The following DOCK10 variants were observed in gnomAD, a reference collection of about 807,000 sequenced individuals.
The protein encoded by DOCK10 is dedicator of cytokinesis protein 10.
Under a neutral mutation model 280.1 loss-of-function variants are expected in DOCK10, and 145 were observed. The ratio of observed to expected loss-of-function variants is 0.52; its 90% CI spans 0.45 to 0.59. The LOEUF (loss-of-function observed/expected upper bound fraction) is 0.59, where lower values mean the gene tolerates loss of function less well. Among genes scored for constraint, DOCK10 ranks in the 20% least tolerant of loss-of-function variants. The probability of loss-of-function intolerance (pLI) is 0.00; values close to 1 mark genes in which losing one functional copy is unlikely to be tolerated. For synonymous variants in DOCK10, 915 were observed against 942.2 expected (o/e 0.97, Z 0.53); for missense variants, 2,368 against 2,651.7 (o/e 0.89, Z 2.35).
chr2:224,901,993 A>AT (rs1382124365), intron 3 of DOCK10, among the ~76,000 whole-genome samples: 1 of 152,206 alleles, frequency 6.6e-6, no homozygotes, highest in Non-Finnish European at 1.5e-5. Flanking sequence ...CATCTGTATC[A>AT]TTTTCTTCTG....
intron 11 of DOCK10, among the ~76,000 whole-genome samples, chr2:224,871,286 G>A (rs181636467): frequency 6.6e-6 from 1 of 151,784 alleles, no homozygotes; most frequent in African/African-American, 2.4e-5. Flanking sequence ...GTGTAAAACC[G>A]TCCAAAACAA....
At chr2:224,845,084 T>C in intron 21 of DOCK10, 119 bp downstream of exon 21, 1 of 1,103,036 alleles carries the variant, frequency 9.1e-7, no homozygotes, top group South Asian at 1.6e-5. Context: ...TAGGTACACT[T>C]GATTCATAGC....
intron 1 of DOCK10, among the ~76,000 whole-genome samples, chr2:225,018,551 T>C (rs1239796810): frequency 1.1e-4 from 1 of 9,490 alleles, no homozygotes; most frequent in Non-Finnish European, 3.4e-4. Flanking sequence ...TATATATATA[T>C]AATATATATG....
chr2:224,870,066 G>C (rs1698171143), intron 11 of DOCK10, among the ~76,000 whole-genome samples: 2 of 152,122 alleles, frequency 1.3e-5, no homozygotes, highest in African/African-American at 4.8e-5. Flanking sequence ...TCATAGGAGG[G>C]ACCCAGTGGG....
intron 11 of DOCK10, among the ~76,000 whole-genome samples, chr2:224,868,049 T>C (rs891353476): frequency 6.6e-6 from 1 of 152,172 alleles, no homozygotes; most frequent in African/African-American, 2.4e-5. Context: ...GAGGTTTTTT[T>C]TGTGTGTGGG....
chr2:224,828,920 A>G (rs1415213974), intron 27 of DOCK10, among the ~76,000 whole-genome samples: 1 of 151,824 alleles, frequency 6.6e-6, no homozygotes, highest in Non-Finnish European at 1.5e-5. Flanking sequence ...CATTCCAATG[A>G]ATAGTCATGG....
At chr2:225,027,411 T>A (rs890023847) in intron 1 of DOCK10, among the ~76,000 whole-genome samples, 1 of 152,192 alleles carries the variant, frequency 6.6e-6, no homozygotes, top group Non-Finnish European at 1.5e-5. Context: ...TATCACTTGA[T>A]CCTTGAGATG....
At chr2:225,020,156 G>T (rs1183503617) in intron 1 of DOCK10, among the ~76,000 whole-genome samples, 1 of 151,752 alleles carries the variant, frequency 6.6e-6, no homozygotes, top group Non-Finnish European at 1.5e-5. Context: ...ATTAGTAATG[G>T]TTCATAAGTG....
rs1017007279 is a variant in DOCK10 at position 224,885,782 on chromosome 2, C to G, written c.636G>C (p.Gln212His). ...AGGAGTTATCTGGTAACTGAGTCAG[C>G]TGGAAGTAGCGCTTTTTGAATGACT... is the stretch of plus-strand genomic sequence containing the variant. ...TVRSFKKRYF[Q>H]LTQLPDNSYI... Residue 212 changes from glutamine (Q) to histidine (H), a missense_variant, in exon 7 of 56, where the codon CAG becomes CAC. Around this residue, in one of 2 missense-constraint regions of DOCK10, gnomAD observed 1,209 missense variants for 1,250.9 expected, o/e 0.97. Coordinates refer to ENST00000258390, the MANE Select transcript of DOCK10 (RefSeq NM_014689.3). 2 of 1,613,148 alleles carry G rather than the reference C, an allele frequency of 1.2e-6. No individual in the cohort carries two copies. Among genetic ancestry groups the G allele is most frequent in the African/African-American group, 2.7e-5 (2 of 74,874 alleles).
intron 19 of DOCK10, among the ~76,000 whole-genome samples, chr2:224,849,247 T>A (rs1011525805): frequency 3.9e-5 from 6 of 152,238 alleles, no homozygotes; most frequent in African/African-American, 1.4e-4. Flanking sequence ...GTGCTGGGAT[T>A]ACAGGCGTGA....
At chr2:224,839,255 A>ATT (rs577799384) in intron 24 of DOCK10, among the ~76,000 whole-genome samples, 2,844 of 131,708 alleles carry the variant, frequency 0.022, 107 homozygotes, top group African/African-American at 0.076. Context: ...ATTTTTTGTA[A>ATT]TTTTTTTTTT....
intron 2 of DOCK10, among the ~76,000 whole-genome samples, chr2:224,922,718 A>T (rs1245025706): frequency 6.6e-6 from 1 of 152,168 alleles, no homozygotes; most frequent in Non-Finnish European, 1.5e-5. Flanking sequence ...GCACATCAGG[A>T]CTATCTCTCA....
At chr2:225,030,613 T>C (rs367768488) in intron 1 of DOCK10, among the ~76,000 whole-genome samples, 1 of 152,194 alleles carries the variant, frequency 6.6e-6, no homozygotes, top group Non-Finnish European at 1.5e-5. Context: ...TGGTGTTGGA[T>C]TGGTGATCAC....
At chr2:225,033,550 G>T (rs992934895) in intron 1 of DOCK10, among the ~76,000 whole-genome samples, 2 of 152,076 alleles carry the variant, frequency 1.3e-5, no homozygotes, top group African/African-American at 4.8e-5. Context: ...AAATATTAAC[G>T]TTTTCAAAGG....
At chr2:224,996,663 T>C (rs2126277810) in intron 1 of DOCK10, among the ~76,000 whole-genome samples, 1 of 152,360 alleles carries the variant, frequency 6.6e-6, no homozygotes. Flanking sequence ...TGAAATCACT[T>C]AGCCAGGTGT....
chr2:224,907,804 T>C (rs1700749711), intron 3 of DOCK10, among the ~76,000 whole-genome samples: 1 of 152,206 alleles, frequency 6.6e-6, no homozygotes, highest in Non-Finnish European at 1.5e-5. Flanking sequence ...CTGAATGAAA[T>C]GCACATGCCG....
chr2:224,998,354 G>T (rs1706330415), intron 1 of DOCK10, among the ~76,000 whole-genome samples: 1 of 152,086 alleles, frequency 6.6e-6, no homozygotes, highest in South Asian at 2.1e-4. Flanking sequence ...TGATTCAGGA[G>T]CATCGGGGTT....
At chr2:224,777,314 G>A (rs913000591) in intron 51 of DOCK10, among the ~76,000 whole-genome samples, 1 of 152,182 alleles carries the variant, frequency 6.6e-6, no homozygotes, top group Non-Finnish European at 1.5e-5. Context: ...TGTCCGTGAG[G>A]GTGTCGCTAA....
In DOCK10 at chr2:224,787,181, C is replaced by A. The variant is rs371039875; in HGVS notation, c.5542-46G>T. ...GTTTCATGAAGATGATGCTGTCATACAAATAAGGGAGTTTTTAATTTTGAA... is the reference window on the plus strand; with the variant it reads ...GTTTCATGAAGATGATGCTGTCATAAAAATAAGGGAGTTTTTAATTTTGAA... On this transcript the variant is annotated intron_variant, in intron 49 of 55. Coordinates refer to ENST00000258390, the MANE Select transcript of DOCK10 (RefSeq NM_014689.3). The A allele has an allele frequency of 2.7e-5, 44 of 1,606,706 alleles. No homozygotes were observed. In the African/African-American group the frequency reaches 4.8e-4, roughly 18 times the overall value.
Sources: gnomAD v4.1 joint callset for allele counts (sites outside exome capture counted in the v4.1 genomes callset) on GRCh38, gnomAD v4.1.1 for gene constraint, gnomAD v4.1.1 regional missense constraint, MANE v1.5 for transcripts, NCBI Gene and HGNC (gene_info 2026-07-23, HGNC 2026-07-21) for gene names.